AGR2: variants seen among roughly 807,000 people sequenced by gnomAD.
AGR2 encodes anterior gradient protein 2 homolog.
Under a neutral mutation model 25.9 loss-of-function variants are expected in AGR2, and 27 were observed. The observed-to-expected ratio is 1.04, with a 90% CI of 0.77 to 1.44. The LOEUF (loss-of-function observed/expected upper bound fraction) is 1.44. Ranked by LOEUF, AGR2 falls within the 40% of genes most tolerant of loss-of-function variation. The pLI is 0.00. For missense variants in AGR2, 182 were observed against 200.9 expected, an observed-to-expected ratio of 0.91 and a Z score of 0.57; for synonymous variants, 78 against 72.0, an observed-to-expected ratio of 1.08 and a Z score of -0.42.
At position 16,804,984 on chromosome 7, in the gene AGR2, G is replaced by T. The variant is rs374529180; in HGVS notation, c.-57C>A. On this transcript the variant is annotated 5_prime_UTR_variant, in exon 1 of 8. Coordinates refer to ENST00000419304, the MANE Select transcript of AGR2 (RefSeq NM_006408.4). Reference sequence around the variant, plus strand: ...TGTGTGAGTCGGCGGCTAGGATGCGGTCCAAGCTTCTGAGTGTGCCAGCAC... The same window carrying T: ...TGTGTGAGTCGGCGGCTAGGATGCGTTCCAAGCTTCTGAGTGTGCCAGCAC... The T allele has an allele frequency of 1.5e-3, 232 of 152,438 alleles. No homozygotes were observed. The highest frequency in any genetic ancestry group is 2.7e-3 in the Non-Finnish European group (183 of 68,058). The allele number at this position is 152,438 out of a possible 1,614,324, so 9.4% of individuals were successfully genotyped here.
chr7:16,796,421 CTA>C (rs1471776434), intron 6 of AGR2, among the ~76,000 whole-genome samples: 4 of 152,066 alleles, frequency 2.6e-5, no homozygotes, highest in Non-Finnish European at 4.4e-5. Context: ...TCCTTTTTTT[CTA>C]TTTCTTGTTT....
chr7:16,799,851 C>G lies in AGR2; in HGVS notation c.257-34G>C, dbSNP rs758812107. ...TAAAGAAAAATCATTAAGCATCCAT[C>G]TTAGCATTGGTTAAAAGCTTTGTTC... On this transcript the variant is annotated intron_variant, in intron 4 of 7. Coordinates refer to ENST00000419304, the MANE Select transcript of AGR2 (RefSeq NM_006408.4). 2.1e-6 allele frequency: 3 copies of G among 1,413,150 alleles called. No individual in the cohort carries two copies. The South Asian group carries it at 3.6e-5, about 17-fold the overall frequency. 87.5% of individuals were successfully genotyped at this position (1,413,150 alleles called of 1,614,324 possible). A position where few individuals can be genotyped will look rare whatever the true frequency, so the allele number is the denominator to read the frequency against.
chr7:16,794,239 ACTTTAACT>A (rs895765283), intron 7 of AGR2, among the ~76,000 whole-genome samples: 6 of 82,572 alleles, frequency 7.3e-5, no homozygotes, highest in Non-Finnish European at 1.9e-4. Context: ...TGAATTTCTA[ACTTTAACT>A]TAAGTAGCAA....
intron 6 of AGR2, 83 bp from the exon 7 acceptor site, chr7:16,795,102 C>T (rs1393518738): frequency 2.1e-6 from 3 of 1,398,594 alleles, no homozygotes; most frequent in Non-Finnish European, 3.0e-6. Context: ...AGCTGAAGTT[C>T]ATGTATTCAT....
intron 1 of AGR2, among the ~76,000 whole-genome samples, chr7:16,802,076 G>T (rs1785158351): frequency 6.6e-6 from 1 of 151,822 alleles, no homozygotes; most frequent in Non-Finnish European, 1.5e-5. Flanking sequence ...CTTTCCCAGG[G>T]TTTTACTTTC....
In AGR2 at chr7:16,799,671, T is replaced by C. The variant is rs931754960; in HGVS notation, c.330+73A>G. On this transcript the variant is annotated intron_variant, in intron 5 of 7. Transcript: ENST00000419304. ...GTTAATGCAGTATAACTAAGATGTA[T>C]AGGAAAAATGAATCATCCATTTCAA... 49 of 1,091,118 alleles carry C rather than the reference T, an allele frequency of 4.5e-5. No homozygotes were observed. The African/African-American group carries it at 6.9e-4, about 15-fold the overall frequency. 67.6% of individuals were successfully genotyped at this position (1,091,118 alleles called of 1,614,324 possible). A position where few individuals can be genotyped will look rare whatever the true frequency, so the allele number is the denominator to read the frequency against.
intron 1 of AGR2, among the ~76,000 whole-genome samples, chr7:16,804,453 A>G (rs965600179): frequency 2.6e-4 from 39 of 152,328 alleles, no homozygotes; most frequent in African/African-American, 8.4e-4. Context: ...ATGAATTTAA[A>G]GATTGCAGAG....
Position 16,797,676 on chromosome 7 carries a change from G to A in AGR2, c.349C>T (p.His117Tyr), listed in dbSNP as rs780638101. 6.2e-7 allele frequency: 1 copy of A among 1,613,588 alleles called. No homozygotes were observed. The highest frequency in any genetic ancestry group is 2.2e-5 in the East Asian group (1 of 44,870). Residue 117 changes from histidine to tyrosine, a missense_variant, in exon 6 of 8, where the codon CAC (histidine) becomes TAC (tyrosine). Coordinates refer to ENST00000419304, the MANE Select transcript of AGR2 (RefSeq NM_006408.4). Reference protein sequence around the residue: ...LNLVYETTDKHLSPDGQYVPR... With the variant: ...LNLVYETTDKYLSPDGQYVPR... ...ACATACTGGCCATCAGGAGAAAGGT[G>A]TTTGTCAGTTGTTTCATACTAAAAT...
At chr7:16,799,045 A>G (rs1270088848) in intron 5 of AGR2, among the ~76,000 whole-genome samples, 1 of 152,154 alleles carries the variant, frequency 6.6e-6, no homozygotes, top group Non-Finnish European at 1.5e-5. Flanking sequence ...AAATATGGAA[A>G]GAGAAAAGGG....
chr7:16,797,540 G>C, intron 6 of AGR2, 91 bp downstream of exon 6: 1 of 1,083,432 alleles, frequency 9.2e-7, no homozygotes, highest in Non-Finnish European at 1.4e-6. Flanking sequence ...CATTGGCCAT[G>C]GCAACGTGGC....
At chr7:16,796,495 T>G (rs970042110) in intron 6 of AGR2, among the ~76,000 whole-genome samples, 1 of 152,218 alleles carries the variant, frequency 6.6e-6, no homozygotes, top group African/African-American at 2.4e-5. Context: ...GTGAATCATA[T>G]GATTAGCATG....
At chr7:16,799,625 G>T in intron 5 of AGR2, 119 bp downstream of exon 5, 1 of 603,922 alleles carries the variant, frequency 1.7e-6, no homozygotes, top group African/African-American at 1.8e-5. Context: ...TTATGAGATG[G>T]GATATTTGGA....
chr7:16,793,287 G>T (rs1362007959), intron 7 of AGR2, among the ~76,000 whole-genome samples: 1 of 152,170 alleles, frequency 6.6e-6, no homozygotes, highest in Non-Finnish European at 1.5e-5. Context: ...GAGCTCAAGT[G>T]ATCCACACAC....
At chr7:16,796,171 C>G (rs1184845483) in intron 6 of AGR2, among the ~76,000 whole-genome samples, 1 of 152,100 alleles carries the variant, frequency 6.6e-6, no homozygotes, top group African/African-American at 2.4e-5. Context: ...CCAGGTGATT[C>G]AAACATGTAG....
At chr7:16,801,496 A>G in intron 2 of AGR2, 113 bp from the exon 3 acceptor site, 1 of 1,326,514 alleles carries the variant, frequency 7.5e-7, no homozygotes, top group Non-Finnish European at 1.1e-6. Flanking sequence ...AAGAAGAAAA[A>G]CCCCTGGAGA....
At position 16,801,195 on chromosome 7, in the gene AGR2, G is replaced by T. The variant is rs1304403635; in HGVS notation, c.212C>A (p.Pro71His). Residue 71 changes from proline (P) to histidine (H), a missense_variant, in exon 4 of 8, where the codon CCC becomes CAC. Pro to His is a moderately conservative substitution (Grantham distance 77). Coordinates refer to ENST00000419304, the MANE Select transcript of AGR2 (RefSeq NM_006408.4). ...ATCCAAGTGATGAATAATCATCAAG[G>T]GTTTGTTGCTTTAAAAGACAGAGAT... is the stretch of plus-strand genomic sequence containing the variant. ...ALYKSKTSNK[P>H]LMIIHHLDEC... 1.9e-6 allele frequency: 3 copies of T among 1,613,678 alleles called. No individual in the cohort carries two copies. Among genetic ancestry groups the T allele is most frequent in the Non-Finnish European group, 2.5e-6 (3 of 1,179,820 alleles).
Position 16,792,836 on chromosome 7 carries a change from A to G in AGR2, c.*72T>C. 7.8e-7 allele frequency: 1 copy of G among 1,286,688 alleles called. No individual in the cohort carries two copies. Among genetic ancestry groups the G allele is most frequent in the Admixed American group, 1.7e-5 (1 of 59,538 alleles). The allele number at this position is 1,286,688 out of a possible 1,614,324, so 79.7% of individuals were successfully genotyped here. A position where few individuals can be genotyped will look rare whatever the true frequency, so the allele number is the denominator to read the frequency against. Reference sequence around the variant, plus strand: ...TGTTCACTATGCTTCCACACTAGCCAGTCTTCTCACACTTCTTCTGGTTTC... The same window carrying G: ...TGTTCACTATGCTTCCACACTAGCCGGTCTTCTCACACTTCTTCTGGTTTC... On this transcript the variant is annotated 3_prime_UTR_variant, in exon 8 of 8. Coordinates refer to ENST00000419304, the MANE Select transcript of AGR2 (RefSeq NM_006408.4).
chr7:16,794,653 T>C, intron 7 of AGR2: 1 of 673,098 alleles, frequency 1.5e-6, no homozygotes, highest in Non-Finnish European at 2.4e-6. Flanking sequence ...CTCGTGTACC[T>C]AACAGAAAAC....
intron 7 of AGR2, among the ~76,000 whole-genome samples, chr7:16,794,153 G>T (rs1785005041): frequency 6.6e-6 from 1 of 152,202 alleles, no homozygotes; most frequent in Non-Finnish European, 1.5e-5. Flanking sequence ...CTGGCCAATA[G>T]AAATTTCTGT....
Sources: gnomAD v4.1 joint callset for allele counts (sites outside exome capture counted in the v4.1 genomes callset) on GRCh38, gnomAD v4.1.1 for gene constraint, MANE v1.5 for transcripts, NCBI Gene and HGNC (gene_info 2026-07-23, HGNC 2026-07-21) for gene names.